The following BEAN1 variants were observed in gnomAD, a reference collection of about 807,000 sequenced individuals.
BEAN1 encodes brain expressed associated with NEDD4 1.
A neutral mutation model predicts 17.7 loss-of-function variants in BEAN1; 17 were observed. The observed-to-expected ratio is 0.96, with a 90% confidence interval of 0.66 to 1.44. The LOEUF is 1.44. Ranked by LOEUF, BEAN1 falls within the 40% of genes most tolerant of loss-of-function variation. The probability of loss-of-function intolerance (pLI) is 0.00; values close to 1 mark genes in which losing one functional copy is unlikely to be tolerated. For synonymous variants in BEAN1, 142 were observed against 151.8 expected, an observed-to-expected ratio of 0.94 and a Z score of 0.47; for missense variants, 359 against 374.1, an observed-to-expected ratio of 0.96 and a Z score of 0.33.
At chr16:66,466,185 C>A (rs2142424670) in intron 2 of BEAN1, among the ~76,000 whole-genome samples, 1 of 152,320 alleles carries the variant, frequency 6.6e-6, no homozygotes, top group African/African-American at 2.4e-5. Flanking sequence ...GTCCCAATTA[C>A]TCAGGAGGCT....
At chr16:66,444,219 T>A (rs890398030) in intron 2 of BEAN1, among the ~76,000 whole-genome samples, 1 of 152,186 alleles carries the variant, frequency 6.6e-6, no homozygotes, top group Admixed American at 6.5e-5. Context: ...AGGAAGGGCT[T>A]CCTGAGCTCT....
chr16:66,491,987 G>A (rs1030055232), intron 4 of BEAN1, among the ~76,000 whole-genome samples: 11 of 152,054 alleles, frequency 7.2e-5, no homozygotes, highest in Admixed American at 2.6e-4. Context: ...AATAAACAAC[G>A]GGAGGAGTTG....
At chr16:66,467,360 G>C (rs540220125) in intron 2 of BEAN1, among the ~76,000 whole-genome samples, 1 of 152,272 alleles carries the variant, frequency 6.6e-6, no homozygotes, top group South Asian at 2.1e-4. Context: ...GGCTGGAGAG[G>C]CCTCAAGAAA....
chr16:66,493,463 A>T, exon 5 of BEAN1: 1 of 605,310 alleles, frequency 1.7e-6, no homozygotes, highest in South Asian at 2.0e-5. Flanking sequence ...CCATGGCAGC[A>T]CATGCCTGGA....
rs954540557 is a variant in BEAN1 at position 66,437,916 on chromosome 16, T to C, written c.25+215T>C. On this transcript the variant is annotated intron_variant, in intron 2 of 4. Transcript: ENST00000536005. ...GAACTGAAAATCGCACTTTGGCCCA[T>C]TCTTCTGTATCAGCCCTTCCCGAAG... 8.6e-5 allele frequency: 57 copies of C among 665,406 alleles called. No individual in the cohort carries two copies. In the Admixed American group the frequency reaches 1.2e-3, roughly 14 times the overall value. 41.2% of individuals were successfully genotyped at this position (665,406 alleles called of 1,614,324 possible).
chr16:66,484,250 C>T (rs1964053948), downstream of BEAN1: 3 of 291,510 alleles, frequency 1.0e-5, no homozygotes, highest in Non-Finnish European at 2.0e-5. This position sits in a 1 kb window ranked among gnomAD's most constrained non-coding sequence, Gnocchi z 4.2. Flanking sequence ...TGCTCTGGGG[C>T]TCCACCTCCT....
intron 1 of BEAN1, among the ~76,000 whole-genome samples, chr16:66,431,668 TTG>T (rs891979134): frequency 6.6e-6 from 1 of 151,922 alleles, no homozygotes; most frequent in Admixed American, 6.6e-5. Flanking sequence ...CTACAAACTA[TTG>T]TGTGTGTGTG....
intron 2 of BEAN1, among the ~76,000 whole-genome samples, chr16:66,443,945 G>A (rs1030663854): frequency 2.0e-5 from 3 of 152,108 alleles, no homozygotes; most frequent in Non-Finnish European, 4.4e-5. Flanking sequence ...CAAAGTGCTG[G>A]GATTACAGGC....
At chr16:66,470,169 T>G in intron 3 of BEAN1, 1 of 480,288 alleles carries the variant, frequency 2.1e-6, no homozygotes. Flanking sequence ...ATCTGGTGTC[T>G]CGATGGATGG....
At chr16:66,457,418 T>C (rs1203758997) in intron 2 of BEAN1, among the ~76,000 whole-genome samples, 1 of 152,198 alleles carries the variant, frequency 6.6e-6, no homozygotes, top group Non-Finnish European at 1.5e-5. Context: ...CACTGTAATC[T>C]GCCCCGCTCC....
intron 2 of BEAN1, among the ~76,000 whole-genome samples, chr16:66,443,995 T>C (rs994564521): frequency 1.3e-5 from 2 of 152,192 alleles, no homozygotes; most frequent in Non-Finnish European, 1.5e-5. Context: ...TAATTTTCAG[T>C]GCACAATCAT....
At chr16:66,435,921 G>T (rs1961997104) in intron 1 of BEAN1, among the ~76,000 whole-genome samples, 2 of 152,126 alleles carry the variant, frequency 1.3e-5, no homozygotes, top group Admixed American at 1.3e-4. Context: ...GAGCCTTGGT[G>T]TCCTCATATT....
chr16:66,450,543 C>T (rs1962633876), intron 2 of BEAN1, among the ~76,000 whole-genome samples: 1 of 152,044 alleles, frequency 6.6e-6, no homozygotes, highest in Non-Finnish European at 1.5e-5. Context: ...TAGCAAGACC[C>T]TGTGTATACA....
intron 4 of BEAN1, among the ~76,000 whole-genome samples, chr16:66,490,394 TTCAA>T (rs1172059148): frequency 8.0e-6 from 1 of 124,936 alleles, no homozygotes; most frequent in Non-Finnish European, 1.6e-5. Context: ...AAGACTCTGT[TTCAA>T]TAAAATAAAA....
chr16:66,462,627 C>A (rs1963126970), intron 2 of BEAN1, among the ~76,000 whole-genome samples: 1 of 152,102 alleles, frequency 6.6e-6, no homozygotes, highest in South Asian at 2.1e-4. Context: ...CATGGTGAAG[C>A]CCTGTCTCTG....
At chr16:66,436,213 G>A (rs2142375738) in intron 1 of BEAN1, among the ~76,000 whole-genome samples, 1 of 151,402 alleles carries the variant, frequency 6.6e-6, no homozygotes, top group South Asian at 2.1e-4. Context: ...TGGGAGACAT[G>A]AACCAATTCA....
downstream of BEAN1, among the ~76,000 whole-genome samples, chr16:66,487,452 G>A (rs574245004): frequency 6.6e-6 from 1 of 152,258 alleles, no homozygotes; most frequent in East Asian, 1.9e-4. Flanking sequence ...GGTTTATGGG[G>A]TAATCAGCAG....
intron 2 of BEAN1, among the ~76,000 whole-genome samples, chr16:66,467,711 G>A (rs1036329339): frequency 6.6e-6 from 1 of 152,152 alleles, no homozygotes; most frequent in Non-Finnish European, 1.5e-5. Context: ...AAGCCTTAGG[G>A]CGCTCCCTCA....
chr16:66,470,017 G>A (rs1174692945), intron 3 of BEAN1, 152 bp downstream of exon 3: 13 of 1,078,486 alleles, frequency 1.2e-5, no homozygotes, highest in Non-Finnish European at 1.7e-5. Flanking sequence ...GAGCTCACAG[G>A]CGCCCACCAT....
Sources: allele counts gnomAD v4.1 joint callset (sites outside exome capture counted in the v4.1 genomes callset), GRCh38; gene constraint gnomAD v4.1.1; non-coding constraint Gnocchi (gnomAD v3.1); transcripts MANE v1.5; gene names NCBI Gene and HGNC (gene_info 2026-07-23, HGNC 2026-07-21).